The following GREB1L variants were observed in gnomAD, a reference collection of about 807,000 sequenced individuals.
GREB1L encodes the protein GREB1 like retinoic acid receptor coactivator.
Under a neutral mutation model 200.8 loss-of-function variants are expected in GREB1L, and 17 were observed. That is an observed-to-expected ratio of 0.08 (90% CI 0.06 to 0.13). The LOEUF is 0.13. Ranked by LOEUF, GREB1L falls within the 10% of genes least tolerant of loss-of-function variation. The probability of loss-of-function intolerance (pLI) is 1.00; values close to 1 mark genes in which losing one functional copy is unlikely to be tolerated. For synonymous variants in GREB1L, 789 were observed against 893.0 expected (o/e 0.88, Z 2.08); for missense variants, 1,657 against 2,367.7 (o/e 0.70, Z 6.23).
intron 21 of GREB1L, among the ~76,000 whole-genome samples, chr18:21,498,476 G>C (rs183931554): frequency 6.6e-6 from 1 of 152,198 alleles, no homozygotes; most frequent in East Asian, 1.9e-4. Context: ...GTTCACAGAA[G>C]GGGGGTGGGG....
At chr18:21,274,215 G>A (rs1443114006) in intron 1 of GREB1L, among the ~76,000 whole-genome samples, 6 of 151,964 alleles carry the variant, frequency 3.9e-5, no homozygotes, top group Non-Finnish European at 5.9e-5. Context: ...AGCTCTCTGG[G>A]GTCTTTTTTA....
intron 1 of GREB1L, among the ~76,000 whole-genome samples, chr18:21,292,776 A>G (rs2038471184): frequency 6.6e-6 from 1 of 152,234 alleles, no homozygotes; most frequent in Admixed American, 6.5e-5. Context: ...GCTATGGGAA[A>G]TTTTATGGAG....
intron 18 of GREB1L, among the ~76,000 whole-genome samples, 188 bp downstream of exon 18, chr18:21,485,941 A>G (rs181545733): frequency 2.6e-5 from 4 of 152,298 alleles, no homozygotes; most frequent in East Asian, 3.9e-4. Flanking sequence ...TCCAAGATCA[A>G]TAAAGGAAAA....
chr18:21,395,236 G>T (rs2041004869), intron 4 of GREB1L, 149 bp from the exon 5 acceptor site: 1 of 556,562 alleles, frequency 1.8e-6, no homozygotes. Context: ...TGGCAGATTT[G>T]TCTTCTGGTT....
intron 15 of GREB1L, 31 bp downstream of exon 15, chr18:21,454,594 C>T: frequency 6.7e-7 from 1 of 1,491,794 alleles, no homozygotes; most frequent in African/African-American, 1.4e-5. Context: ...AGGAGCCCAC[C>T]TAGATCCAGC....
chr18:21,317,912 T>G (rs950739574), intron 1 of GREB1L: 1 of 152,028 alleles, frequency 6.6e-6, no homozygotes, highest in East Asian at 1.9e-4. Context: ...AGGAGACCAG[T>G]CTGGCCAACA....
At chr18:21,441,010 T>A (rs1009160877) in intron 9 of GREB1L, among the ~76,000 whole-genome samples, 1 of 152,216 alleles carries the variant, frequency 6.6e-6, no homozygotes, top group African/African-American at 2.4e-5. Flanking sequence ...TGCTTGTAGG[T>A]AGTACTGGTT....
At chr18:21,473,261 T>C (rs1374520288) in intron 16 of GREB1L, 50 bp downstream of exon 16, 1 of 1,315,756 alleles carries the variant, frequency 7.6e-7, no homozygotes. Context: ...CAGGAATAAT[T>C]GTTACCTAAT....
At chr18:21,376,440 A>G (rs1239005111) in intron 2 of GREB1L, among the ~76,000 whole-genome samples, 1 of 151,410 alleles carries the variant, frequency 6.6e-6, no homozygotes, top group Non-Finnish European at 1.5e-5. Context: ...AAAAAAAAAA[A>G]AGCAAAAACA....
intron 1 of GREB1L, among the ~76,000 whole-genome samples, chr18:21,293,553 A>G (rs2038482542): frequency 6.6e-6 from 1 of 152,196 alleles, no homozygotes; most frequent in South Asian, 2.1e-4. Context: ...CTATGTGATG[A>G]CCTTCGTGCT....
chr18:21,328,182 C>T (rs576243398), intron 1 of GREB1L, among the ~76,000 whole-genome samples: 3 of 152,128 alleles, frequency 2.0e-5, no homozygotes, highest in Non-Finnish European at 2.9e-5. Flanking sequence ...CCATTGCCCC[C>T]CCCCGTTCCC....
chr18:21,402,419 CTT>C (rs887970884), intron 6 of GREB1L, among the ~76,000 whole-genome samples: 2 of 151,008 alleles, frequency 1.3e-5, no homozygotes, highest in African/African-American at 4.9e-5. Flanking sequence ...TTTCATTTAT[CTT>C]TTTTTCTTTT....
intron 27 of GREB1L, among the ~76,000 whole-genome samples, chr18:21,512,442 A>G (rs1352948650): frequency 1.3e-5 from 2 of 152,098 alleles, no homozygotes; most frequent in Middle Eastern, 3.2e-3. Flanking sequence ...GCTATTGTAA[A>G]TGGAACTCTT....
At chr18:21,242,694 G>A (rs2037520210) in intron 1 of GREB1L, among the ~76,000 whole-genome samples, 1 of 152,208 alleles carries the variant, frequency 6.6e-6, no homozygotes, top group Non-Finnish European at 1.5e-5. Context: ...GAGGCCGAAG[G>A]CCTGTCACCG....
At chr18:21,421,273 T>A (rs970858271) in intron 7 of GREB1L, among the ~76,000 whole-genome samples, 2 of 152,218 alleles carry the variant, frequency 1.3e-5, no homozygotes, top group African/African-American at 4.8e-5. Context: ...TATTGTCAAT[T>A]ATCCCTCAAT....
At chr18:21,480,453 G>T (rs534770186) in intron 17 of GREB1L, among the ~76,000 whole-genome samples, 1 of 152,144 alleles carries the variant, frequency 6.6e-6, no homozygotes, top group South Asian at 2.1e-4. Flanking sequence ...TAATTGAGAG[G>T]TGAATAGTTA....
intron 1 of GREB1L, chr18:21,363,762 G>A (rs893739951): frequency 1.3e-5 from 2 of 152,138 alleles, no homozygotes; most frequent in African/African-American, 4.8e-5. Flanking sequence ...GAGCAATAGA[G>A]GAAGAGAGCA....
At chr18:21,264,674 C>G (rs115721695) in intron 1 of GREB1L, among the ~76,000 whole-genome samples, 2,290 of 149,580 alleles carry the variant, frequency 0.015, 57 homozygotes, top group African/African-American at 0.052. Context: ...CCCCTCCCCC[C>G]CTCCTGGTCA....
intron 18 of GREB1L, among the ~76,000 whole-genome samples, chr18:21,486,642 A>T (rs577825490): frequency 6.6e-6 from 1 of 152,232 alleles, no homozygotes; most frequent in East Asian, 1.9e-4. Flanking sequence ...TTCTAAAAAA[A>T]GAAAAAAAAA....
Sources: allele counts gnomAD v4.1 joint callset (sites outside exome capture counted in the v4.1 genomes callset), GRCh38; gene constraint gnomAD v4.1.1; transcripts MANE v1.5; gene names NCBI Gene and HGNC (gene_info 2026-07-23, HGNC 2026-07-21).